TMEM38B: variants seen among roughly 807,000 people sequenced by gnomAD.
TMEM38B encodes the protein trimeric intracellular cation channel type B.
TMEM38B carries 24 observed loss-of-function variants against 28.7 expected under a neutral mutation model. That is an observed-to-expected ratio of 0.84 (90% CI 0.61 to 1.18). The LOEUF is 1.18. TMEM38B is among the 50% of genes most tolerant of loss of function. The pLI, the probability that TMEM38B is intolerant of heterozygous loss-of-function variation, is 0.00. For missense variants in TMEM38B, 380 were observed against 350.9 expected, an observed-to-expected ratio of 1.08 and a Z score of -0.66; for synonymous variants, 131 against 127.7, an observed-to-expected ratio of 1.03 and a Z score of -0.17.
chr9:105,722,319 G>A (rs1316432667), intron 3 of TMEM38B, among the ~76,000 whole-genome samples: 1 of 152,132 alleles, frequency 6.6e-6, no homozygotes, highest in Non-Finnish European at 1.5e-5. Context: ...TGTGCCCGAG[G>A]CCCCAGTTTT....
chr9:105,749,194 C>T, intron 5 of TMEM38B: 3 of 1,017,296 alleles, frequency 2.9e-6, no homozygotes, highest in South Asian at 1.5e-5. Flanking sequence ...TTTTTTCTAA[C>T]AGCTTTATTG....
chr9:105,706,258 C>A (rs1379759056), intron 2 of TMEM38B, among the ~76,000 whole-genome samples: 1 of 152,166 alleles, frequency 6.6e-6, no homozygotes, highest in Non-Finnish European at 1.5e-5. Context: ...CTTATCTTCT[C>A]CCAGAAGCAA....
At chr9:105,765,906 A>T (rs1017879286) in intron 5 of TMEM38B, among the ~76,000 whole-genome samples, 1 of 151,908 alleles carries the variant, frequency 6.6e-6, no homozygotes, top group East Asian at 1.9e-4. Flanking sequence ...GGTTCAAGTG[A>T]TTCTCCTGCC....
At position 105,766,325 on chromosome 9, in the gene TMEM38B, T is replaced by C. The variant is rs1425439416; in HGVS notation, c.661-7540T>C. On this transcript the variant is annotated intron_variant, in intron 5 of 5. Transcript: ENST00000374692. ...AGCGTTTTGTAGGTATGAAGTGATA[T>C]CGCATTATAGTTTTCTTTTGCATTT... Among the ~76,000 whole-genome samples, 5 of 152,336 alleles carry C rather than the reference T, an allele frequency of 3.3e-5. No homozygotes were observed. In the East Asian group the frequency reaches 7.7e-4, roughly 24 times the overall value.
chr9:105,748,737 C>G (rs1466582085), intron 5 of TMEM38B, among the ~76,000 whole-genome samples: 5 of 152,134 alleles, frequency 3.3e-5, no homozygotes, highest in Admixed American at 3.3e-4. Flanking sequence ...ATTTTCTCAT[C>G]TTCATTGTAT....
intron 1 of TMEM38B, among the ~76,000 whole-genome samples, chr9:105,697,196 C>T (rs1053946511): frequency 2.0e-5 from 3 of 152,196 alleles, no homozygotes; most frequent in Non-Finnish European, 4.4e-5. Context: ...CCCTAAATTC[C>T]TTCCTGCACT....
chr9:105,704,861 T>G (rs1448369740), intron 1 of TMEM38B, among the ~76,000 whole-genome samples: 4 of 151,738 alleles, frequency 2.6e-5, no homozygotes, highest in Middle Eastern at 3.4e-3. Context: ...GAGGTGGAGG[T>G]TGTGGTGAGC....
chr9:105,758,037 T>C lies in TMEM38B; in HGVS notation c.660+9847T>C, dbSNP rs1413645016. The C allele has an allele frequency of 8.0e-5, 20 of 251,094 alleles. No homozygotes were observed. In the South Asian group the frequency reaches 1.4e-3, roughly 18 times the overall value. The allele number at this position is 251,094 out of a possible 1,614,324, so 15.6% of individuals were successfully genotyped here. A position where few individuals can be genotyped will look rare whatever the true frequency, so the allele number is the denominator to read the frequency against. Reference sequence around the variant, plus strand: ...CTTTATCAGAACCACTTTAAAAAAATTCTTTAGCAGATGCTATTCAAATCG... The same window carrying C: ...CTTTATCAGAACCACTTTAAAAAAACTCTTTAGCAGATGCTATTCAAATCG... On this transcript the variant is annotated intron_variant, in intron 5 of 5. Coordinates refer to ENST00000374692, the MANE Select transcript of TMEM38B (RefSeq NM_018112.3).
At chr9:105,759,713 T>A (rs1409531723) in intron 5 of TMEM38B, 12 of 1,599,186 alleles carry the variant, frequency 7.5e-6, no homozygotes, top group Middle Eastern at 1.7e-4. Context: ...CAGGAATTCC[T>A]GTTGAATCTT....
chr9:105,747,975 A>T (rs1459763828), intron 4 of TMEM38B, 98 bp from the exon 5 acceptor site: 1 of 773,406 alleles, frequency 1.3e-6, no homozygotes, highest in Non-Finnish European at 2.2e-6. Context: ...ACATCTATTA[A>T]TAACCCATTA....
At chr9:105,724,059 C>T (rs918731526) in intron 4 of TMEM38B, among the ~76,000 whole-genome samples, 1 of 149,322 alleles carries the variant, frequency 6.7e-6, no homozygotes, top group African/African-American at 2.5e-5. Context: ...TGGCCTCAAA[C>T]TCCTGACCTC....
intron 1 of TMEM38B, chr9:105,701,207 A>G (rs1835450578): frequency 6.6e-6 from 1 of 152,162 alleles, no homozygotes; most frequent in Non-Finnish European, 1.5e-5. Flanking sequence ...CTATCTCCTG[A>G]CTGGACAGAT....
At chr9:105,708,764 C>A (rs774563500) in intron 2 of TMEM38B, among the ~76,000 whole-genome samples, 1 of 152,036 alleles carries the variant, frequency 6.6e-6, no homozygotes, top group Non-Finnish European at 1.5e-5. Context: ...CCTTCCCTGA[C>A]TAAAGTAGCA....
intron 1 of TMEM38B, among the ~76,000 whole-genome samples, chr9:105,699,146 C>T (rs1835379310): frequency 6.6e-6 from 1 of 152,068 alleles, no homozygotes. Context: ...TTTGTTCAGG[C>T]TCAGTAGATG....
At chr9:105,738,136 G>C (rs1380803013) in intron 4 of TMEM38B, among the ~76,000 whole-genome samples, 2 of 152,108 alleles carry the variant, frequency 1.3e-5, no homozygotes, top group African/African-American at 4.8e-5. Context: ...GAAGATGAGG[G>C]AGGTGTAGGA....
intron 2 of TMEM38B, chr9:105,710,638 T>G (rs1835866203): frequency 4.0e-6 from 3 of 741,730 alleles, no homozygotes. Context: ...TCTTGGATGG[T>G]GAGTGTGGAA....
intron 4 of TMEM38B, among the ~76,000 whole-genome samples, chr9:105,731,223 C>A (rs1432892289): frequency 6.6e-6 from 1 of 152,020 alleles, no homozygotes; most frequent in Non-Finnish European, 1.5e-5. Context: ...TTTCCCTCTA[C>A]ACACCACTTT....
chr9:105,703,063 CAA>C (rs1835514078), intron 1 of TMEM38B, among the ~76,000 whole-genome samples: 1 of 151,120 alleles, frequency 6.6e-6, no homozygotes, highest in Admixed American at 6.6e-5. Flanking sequence ...ATTTAGGTCT[CAA>C]TGTGACAAAT....
At chr9:105,705,894 G>T in intron 2 of TMEM38B, 141 bp downstream of exon 2, 2 of 786,388 alleles carry the variant, frequency 2.5e-6, no homozygotes, top group Non-Finnish European at 1.9e-6. Flanking sequence ...CCCAAATAAT[G>T]CTAAGGGGTT....
Sources: gnomAD v4.1 joint callset for allele counts (sites outside exome capture counted in the v4.1 genomes callset) on GRCh38, gnomAD v4.1.1 for gene constraint, MANE v1.5 for transcripts, NCBI Gene and HGNC (gene_info 2026-07-23, HGNC 2026-07-21) for gene names.